ESPL1: variants seen among roughly 807,000 people sequenced by gnomAD.
The protein encoded by ESPL1 is extra spindle pole bodies like 1, separase, also known as separin.
Under a neutral mutation model 217.2 loss-of-function variants are expected in ESPL1, and 50 were observed. That is an observed-to-expected ratio of 0.23 (90% CI 0.18 to 0.29). The LOEUF (loss-of-function observed/expected upper bound fraction) is 0.29, where lower values mean the gene tolerates loss of function less well. Among genes scored for constraint, ESPL1 ranks in the 10% least tolerant of loss-of-function variants. The pLI is 1.00. For synonymous variants in ESPL1, 994 were observed against 1,081.3 expected, an observed-to-expected ratio of 0.92 and a Z score of 1.58; for missense variants, 1,834 against 2,603.0, an observed-to-expected ratio of 0.70 and a Z score of 6.43.
intron 21 of ESPL1, 40 bp downstream of exon 21, chr12:53,289,343 C>G: frequency 1.2e-6 from 2 of 1,610,612 alleles, no homozygotes. Context: ...CTGGGGCAGA[C>G]TAGAGAGAAG....
At chr12:53,279,976 C>A in intron 12 of ESPL1, 110 bp downstream of exon 12, 1 of 1,255,834 alleles carries the variant, frequency 8.0e-7, no homozygotes, top group Non-Finnish European at 1.1e-6. Context: ...CTTTTACCAC[C>A]ACAACTGGCT....
chr12:53,277,750 TTA>T (rs1369829750), intron 10 of ESPL1, 69 bp from the exon 11 acceptor site: 4 of 1,589,198 alleles, frequency 2.5e-6, no homozygotes, highest in Non-Finnish European at 3.4e-6. Context: ...GCAGAGGATG[TTA>T]TGGAGGAAGG....
intron 4 of ESPL1, 73 bp from the exon 5 acceptor site, chr12:53,270,605 G>A: frequency 6.2e-7 from 1 of 1,605,204 alleles, no homozygotes; most frequent in Non-Finnish European, 8.5e-7. Context: ...CTTGGCTTTG[G>A]GTGTGGAGTG....
At chr12:53,268,685 C>T (rs976884887) in intron 1 of ESPL1, 70 bp from the exon 2 acceptor site, 2 of 927,366 alleles carry the variant, frequency 2.2e-6, no homozygotes, top group Admixed American at 4.4e-5. Context: ...CTTCCACGAC[C>T]TTCAGCCCTC....
chr12:53,279,159 G>A (rs1337034217), intron 11 of ESPL1, among the ~76,000 whole-genome samples: 2 of 152,224 alleles, frequency 1.3e-5, no homozygotes, highest in Admixed American at 1.3e-4. Flanking sequence ...TCAAAGTGCT[G>A]GGGTTACAGG....
chr12:53,289,973 C>T, intron 22 of ESPL1, 112 bp from the exon 23 acceptor site: 1 of 1,242,710 alleles, frequency 8.0e-7, no homozygotes, highest in Non-Finnish European at 1.1e-6. Flanking sequence ...CTCTAGTGAC[C>T]AGGGAAGGCT....
chr12:53,290,973 T>C lies in ESPL1; in HGVS notation c.5497T>C (p.Tyr1833His). The change falls in exon 25 of 31, where the codon TAT becomes CAT. Residue 1833 changes from tyrosine to histidine, a missense_variant. Tyr to His is a moderately conservative substitution (Grantham distance 83). Transcript: ENST00000257934. ...GCTGCTACAGGACTGTGGCTGGAAATATCCTGACCGCACTCTGCTGAAAGT... is the reference window on the plus strand; with the variant it reads ...GCTGCTACAGGACTGTGGCTGGAAACATCCTGACCGCACTCTGCTGAAAGT... ...QELLQDCGWK[Y>H]PDRTLLKIML... 6.3e-7 allele frequency: 1 copy of C among 1,598,026 alleles called. No individual in the cohort carries two copies. The highest frequency in any genetic ancestry group is 8.5e-7 in the Non-Finnish European group (1 of 1,172,746).
intron 13 of ESPL1, 142 bp downstream of exon 13, chr12:53,281,768 C>T: frequency 1.3e-6 from 1 of 785,692 alleles, no homozygotes; most frequent in Non-Finnish European, 2.1e-6. Context: ...ATTTCCTAGC[C>T]TTGCCCTCGC....
At chr12:53,273,025 G>A (rs1355203723) in intron 6 of ESPL1, among the ~76,000 whole-genome samples, 168 bp downstream of exon 6, 1 of 148,802 alleles carries the variant, frequency 6.7e-6, no homozygotes, top group Non-Finnish European at 1.5e-5. Flanking sequence ...GTTACTTACT[G>A]TTGACTCATT....
rs1362779714 is a variant in ESPL1, at chr12:53,290,087, G to A, written c.5116G>A (p.Val1706Met). The A allele has an allele frequency of 2.5e-6, 4 of 1,612,478 alleles. No homozygotes were observed. Among genetic ancestry groups the A allele is most frequent in the Non-Finnish European group, 3.4e-6 (4 of 1,179,946 alleles). ...TCTGGCTGTATCCTGTGTGTCAGGGGTGACTGTGTGTGTGTTGGCCCTGGC... is the reference window on the plus strand; with the variant it reads ...TCTGGCTGTATCCTGTGTGTCAGGGATGACTGTGTGTGTGTTGGCCCTGGC... ...QERLALIPSG[V>M]TVCVLALATL... The change falls in exon 23 of 31, where the codon GTG becomes ATG. Residue 1706 changes from valine (V) to methionine (M), a missense_variant and splice_region_variant. Around this residue, in one of 5 missense-constraint regions of ESPL1, gnomAD observed 681 missense variants for 808.0 expected, o/e 0.84. Coordinates refer to ENST00000257934, the MANE Select transcript of ESPL1 (RefSeq NM_012291.5).
rs1470252610 is a variant in ESPL1 at position 53,268,780 on chromosome 12, A to G, written c.14A>G (p.Lys5Arg). The G allele has an allele frequency of 1.9e-6, 3 of 1,611,768 alleles. No individual in the cohort carries two copies. Among genetic ancestry groups the G allele is most frequent in the Admixed American group, 3.3e-5 (2 of 59,774 alleles). Residue 5 changes from lysine to arginine, a missense_variant, in exon 2 of 31, where the codon AAA becomes AGA. Physicochemically the swap from Lys to Arg is conservative, Grantham distance 26. Coordinates refer to ENST00000257934, the MANE Select transcript of ESPL1 (RefSeq NM_012291.5). MRSF[K>R]RVNFGTLLSS... The stretch of plus-strand genomic sequence containing the variant: ...CTCTCCGGTGTCATGAGGAGCTTCA[A>G]AAGAGTCAACTTTGGGACTCTGCTA...
At chr12:53,274,720 C>G (rs1274784789) in intron 6 of ESPL1, 97 bp from the exon 7 acceptor site, 4 of 1,012,694 alleles carry the variant, frequency 3.9e-6, no homozygotes, top group South Asian at 1.5e-5. Context: ...ACCCCGCCCC[C>G]TCATGTGGTG....
At chr12:53,270,280 C>T (rs1283509338) in intron 3 of ESPL1, 98 bp from the exon 4 acceptor site, 2 of 1,030,738 alleles carry the variant, frequency 1.9e-6, no homozygotes, top group East Asian at 4.7e-5. Context: ...CCTCGTGCTC[C>T]CTGGGCTCTG....
At chr12:53,274,718 C>A in intron 6 of ESPL1, 99 bp from the exon 7 acceptor site, 2 of 975,198 alleles carry the variant, frequency 2.1e-6, no homozygotes, top group South Asian at 1.5e-5. Flanking sequence ...CAACCCCGCC[C>A]CCTCATGTGG....
rs1368909945 is a variant in ESPL1 at position 53,290,899 on chromosome 12, C to T, written c.5423C>T (p.Pro1808Leu). ...GGCTGCTGGAAGGGGCTGCTGCTGC[C>T]GTCCAGTGAGGAGCCCGGCCCTGCC... The part of the protein sequence containing the change: ...VLGCWKGLLL[P>L]SSEEPGPAQE... The change falls in exon 25 of 31, where the codon CCG becomes CTG. Residue 1808 changes from proline (P) to leucine (L), a missense_variant. Physicochemically the swap from Pro to Leu is moderately conservative, Grantham distance 98. Around this residue, in one of 5 missense-constraint regions of ESPL1, gnomAD observed 295 missense variants for 519.8 expected, o/e 0.57. Transcript: ENST00000257934. 1.2e-6 allele frequency: 2 copies of T among 1,608,000 alleles called. No individual in the cohort carries two copies.
Position 53,277,192 on chromosome 12 carries a change from C to G in ESPL1, c.2050C>G (p.Leu684Val). ...CGATAAAGCACAGGCCTTGCTGTGG[C>G]TTTACATCTGTACTCTGGAAGCCAA... ...LDDKAQALLW[L>V]YICTLEAKMQ... The change falls in exon 9 of 31, where the codon CTT (leucine) becomes GTT (valine). Residue 684 changes from leucine (L) to valine (V), a missense_variant. Physicochemically the swap from Leu to Val is conservative, Grantham distance 32. Transcript: ENST00000257934. 1 of 1,613,738 alleles carries G rather than the reference C, an allele frequency of 6.2e-7. No individual in the cohort carries two copies. The highest frequency in any genetic ancestry group is 8.5e-7 in the Non-Finnish European group (1 of 1,179,610).
chr12:53,286,282 T>A lies in ESPL1; in HGVS notation c.3546T>A (p.Asp1182Glu). Residue 1182 changes from aspartate to glutamate, a missense_variant, in exon 18 of 31, where the codon GAT (aspartate) becomes GAA (glutamate). Asp to Glu is a conservative substitution (Grantham distance 45, BLOSUM62 2). Coordinates refer to ENST00000257934, the MANE Select transcript of ESPL1 (RefSeq NM_012291.5). The surrounding 1 kb of genome is among the most constrained non-coding windows in gnomAD (Gnocchi z 5.3). ...LAMGHQAQGLDLLQVVLKGCP... is the reference protein window; with the variant it reads ...LAMGHQAQGLELLQVVLKGCP... ...TGGGCCACCAAGCCCAGGGTCTGGA[T>A]CTGCTGCAGGTCGTGCTGAAGGGCT... 3 of 1,614,194 alleles carry A rather than the reference T, an allele frequency of 1.9e-6. No individual in the cohort carries two copies. The highest frequency in any genetic ancestry group is 2.5e-6 in the Non-Finnish European group (3 of 1,180,040).
chr12:53,288,572 T>C lies in ESPL1; in HGVS notation c.4581T>C (p.Ala1527=), dbSNP rs1180163061. 4.3e-6 allele frequency: 7 copies of C among 1,613,688 alleles called. No individual in the cohort carries two copies. Among genetic ancestry groups the C allele is most frequent in the Non-Finnish European group, 5.9e-6 (7 of 1,179,976 alleles). The part of the protein sequence containing the change: ...GKTPAPGPEA[A]SGEWELLRLD... ...CTCCAGCTCCGGGCCCTGAGGCAGC[T>C]TCTGGAGAATGGGAGCTGCTGAGGC... is the stretch of plus-strand genomic sequence containing the variant. Residue 1527 remains alanine (A), a synonymous_variant, in exon 20 of 31, where the codon GCT becomes GCC. Coordinates refer to ENST00000257934, the MANE Select transcript of ESPL1 (RefSeq NM_012291.5).
intron 5 of ESPL1, among the ~76,000 whole-genome samples, chr12:53,271,785 T>C (rs567158556): frequency 2.3e-3 from 343 of 152,184 alleles, no homozygotes; most frequent in Non-Finnish European, 3.3e-3. Flanking sequence ...TAAGTTATTA[T>C]CATTTATTCA....
Sources: gnomAD v4.1 joint callset for allele counts (sites outside exome capture counted in the v4.1 genomes callset) on GRCh38, gnomAD v4.1.1 for gene constraint, gnomAD v4.1.1 regional missense constraint, Gnocchi (gnomAD v3.1) non-coding constraint, MANE v1.5 for transcripts, NCBI Gene and HGNC (gene_info 2026-07-23, HGNC 2026-07-21) for gene names.